Variants in TNKS observed in about 807,000 individuals in gnomAD.
TNKS encodes poly [ADP-ribose] polymerase tankyrase-1.
TNKS carries 72 observed loss-of-function variants against 135.8 expected under a neutral mutation model. The ratio of observed to expected loss-of-function variants is 0.53; its 90% CI spans 0.44 to 0.64. The LOEUF (loss-of-function observed/expected upper bound fraction) is 0.64, where lower values mean the gene tolerates loss of function less well. Among genes scored for constraint, TNKS ranks in the 30% least tolerant of loss-of-function variants. The pLI is 0.00. For synonymous variants in TNKS, 849 were observed against 649.3 expected, an observed-to-expected ratio of 1.31 and a Z score of -4.68; for missense variants, 1,769 against 1,674.0, an observed-to-expected ratio of 1.06 and a Z score of -0.99.
At chr8:9,724,419 C>G (rs1313275684) in intron 12 of TNKS, among the ~76,000 whole-genome samples, 1 of 151,966 alleles carries the variant, frequency 6.6e-6, no homozygotes, top group African/African-American at 2.4e-5. Flanking sequence ...GAGACCCCAT[C>G]TCTAAAAAGA....
rs570516154 is a variant in TNKS, at chr8:9,608,825, A to G, written c.899-6757A>G. Among the ~76,000 whole-genome samples the G allele has an allele frequency of 1.2e-4, 18 of 152,280 alleles. No homozygotes were observed. The South Asian group carries it at 3.5e-3, about 30-fold the overall frequency. ...GTGTTAGGCAGAGAGTTGGGTGATT[A>G]TGGTACCCATCTTGTGAGTTTCTCT... is the stretch of plus-strand genomic sequence containing the variant. On this transcript the variant is annotated intron_variant, in intron 2 of 26. Coordinates refer to ENST00000310430, the MANE Select transcript of TNKS (RefSeq NM_003747.3).
In TNKS at chr8:9,743,853, A is replaced by C. The variant is rs536721949; in HGVS notation, c.2644-4171A>C. Reference sequence around the variant, plus strand: ...TGTCACTCCTACATTTCACAGCCTTAGGAATAATCTATATATTTGACTGGC... The same window carrying C: ...TGTCACTCCTACATTTCACAGCCTTCGGAATAATCTATATATTTGACTGGC... On this transcript the variant is annotated intron_variant, in intron 17 of 26. Transcript: ENST00000310430. Among the ~76,000 whole-genome samples the C allele has an allele frequency of 6.6e-5, 10 of 152,368 alleles. No individual in the cohort carries two copies. In the South Asian group the frequency reaches 2.1e-3, roughly 32 times the overall value.
chr8:9,622,612 G>C (rs554461128), intron 3 of TNKS, among the ~76,000 whole-genome samples: 1 of 152,278 alleles, frequency 6.6e-6, no homozygotes, highest in South Asian at 2.1e-4. Context: ...TGTTCATTTG[G>C]AAGGACATGG....
At chr8:9,658,982 CAAAG>C (rs1421221806) in intron 3 of TNKS, among the ~76,000 whole-genome samples, 3 of 152,144 alleles carry the variant, frequency 2.0e-5, no homozygotes, top group East Asian at 1.9e-4. Context: ...TCAAAAGAGA[CAAAG>C]AAGGCCCTTA....
intron 2 of TNKS, 37 bp downstream of exon 2, chr8:9,580,420 A>G (rs1420637472): frequency 6.3e-7 from 1 of 1,581,388 alleles, no homozygotes; most frequent in Non-Finnish European, 8.7e-7. Flanking sequence ...TTTTAAATAA[A>G]GGTTTATTCT....
chr8:9,590,596 C>G (rs752503475), intron 2 of TNKS, among the ~76,000 whole-genome samples: 3 of 152,200 alleles, frequency 2.0e-5, no homozygotes, highest in Non-Finnish European at 4.4e-5. Context: ...AAGCTCTGTG[C>G]TTGCTCCGAG....
intron 11 of TNKS, chr8:9,710,499 G>A (rs1417553978): frequency 5.3e-6 from 3 of 564,472 alleles, no homozygotes; most frequent in Non-Finnish European, 6.3e-6. Flanking sequence ...ATTACTTTCA[G>A]TTAATACTAT....
chr8:9,736,419 A>T (rs956440684), intron 17 of TNKS, among the ~76,000 whole-genome samples: 4 of 151,960 alleles, frequency 2.6e-5, no homozygotes, highest in Non-Finnish European at 5.9e-5. Context: ...GAGAGTAGGA[A>T]TTACTAGCTA....
At chr8:9,659,187 G>T (rs1324970490) in intron 3 of TNKS, among the ~76,000 whole-genome samples, 1 of 152,176 alleles carries the variant, frequency 6.6e-6, no homozygotes, top group African/African-American at 2.4e-5. Context: ...AAGACAGAAA[G>T]TTAACAAAGA....
At chr8:9,695,712 A>T (rs1052525954) in intron 5 of TNKS, among the ~76,000 whole-genome samples, 1 of 152,194 alleles carries the variant, frequency 6.6e-6, no homozygotes, top group African/African-American at 2.4e-5. Context: ...CTGAGAGAGG[A>T]TACTGTCTTC....
At chr8:9,750,622 C>T (rs1283126103) in intron 18 of TNKS, among the ~76,000 whole-genome samples, 2 of 152,216 alleles carry the variant, frequency 1.3e-5, no homozygotes, top group Admixed American at 1.3e-4. Flanking sequence ...ATAACCAGGC[C>T]ACCCTTCACG....
intron 5 of TNKS, among the ~76,000 whole-genome samples, chr8:9,688,694 C>T (rs1803122518): frequency 6.6e-6 from 1 of 152,120 alleles, no homozygotes; most frequent in African/African-American, 2.4e-5. Context: ...GGCTGGAGTG[C>T]AGTGGCACAA....
Position 9,662,219 on chromosome 8 carries a change from A to G in TNKS, c.995-17732A>G, listed in dbSNP as rs573825714. 1.9e-3 allele frequency among the ~76,000 whole-genome samples: 288 copies of G among 152,324 alleles called. 2 individuals are homozygous for G. Among genetic ancestry groups the G allele is most frequent in the African/African-American group, 6.7e-3 (277 of 41,556 alleles). On this transcript the variant is annotated intron_variant, in intron 3 of 26. Transcript: ENST00000310430. ...TCAGGGATCTAGAACTAGAAATACCATTTGACGCAGCCATCCCATTACTGG... is the reference window on the plus strand; with the variant it reads ...TCAGGGATCTAGAACTAGAAATACCGTTTGACGCAGCCATCCCATTACTGG...
intron 18 of TNKS, among the ~76,000 whole-genome samples, chr8:9,749,469 T>C (rs1806405418): frequency 1.3e-5 from 2 of 149,102 alleles, no homozygotes; most frequent in East Asian, 4.1e-4. Flanking sequence ...TTTTTTTCTT[T>C]TCTTTTTTTT....
chr8:9,751,074 A>G (rs1386032390), intron 18 of TNKS, among the ~76,000 whole-genome samples: 1 of 151,556 alleles, frequency 6.6e-6, no homozygotes, highest in Admixed American at 6.6e-5. Context: ...GGTAGGGGGC[A>G]GAAATTCAAG....
chr8:9,762,061 A>G (rs1202293884), intron 21 of TNKS, among the ~76,000 whole-genome samples: 1 of 152,248 alleles, frequency 6.6e-6, no homozygotes, highest in Non-Finnish European at 1.5e-5. Flanking sequence ...AAACCCCTGT[A>G]ATAGAATCCT....
chr8:9,664,919 C>G (rs1424049279), intron 3 of TNKS, among the ~76,000 whole-genome samples: 1 of 152,180 alleles, frequency 6.6e-6, no homozygotes, highest in African/African-American at 2.4e-5. Context: ...GTGCTGTCTG[C>G]CATTAGTCCA....
chr8:9,726,521 T>C, intron 12 of TNKS, 120 bp from the exon 13 acceptor site: 1 of 655,814 alleles, frequency 1.5e-6, no homozygotes, highest in Non-Finnish European at 2.5e-6. Flanking sequence ...CCAAACTAAA[T>C]AATTTTTCCT....
chr8:9,666,704 G>C (rs368582557), intron 3 of TNKS, among the ~76,000 whole-genome samples: 8 of 150,282 alleles, frequency 5.3e-5, no homozygotes, highest in African/African-American at 2.0e-4. Flanking sequence ...CTGGGCGACA[G>C]AGTGAGACTC....
Sources: gnomAD v4.1 joint callset for allele counts (sites outside exome capture counted in the v4.1 genomes callset) on GRCh38, gnomAD v4.1.1 for gene constraint, MANE v1.5 for transcripts, NCBI Gene and HGNC (gene_info 2026-07-23, HGNC 2026-07-21) for gene names.